PLEKHA5: variants seen among roughly 807,000 people sequenced by gnomAD.
PLEKHA5 encodes pleckstrin homology domain containing A5.
Under a neutral mutation model 181.9 loss-of-function variants are expected in PLEKHA5, and 55 were observed. That is an observed-to-expected ratio of 0.30 (90% CI 0.24 to 0.38). The LOEUF (loss-of-function observed/expected upper bound fraction) is 0.38. PLEKHA5 is among the 10% of genes least tolerant of loss of function. The pLI, the probability that PLEKHA5 is intolerant of heterozygous loss-of-function variation, is 1.00. For synonymous variants in PLEKHA5, 535 were observed against 529.4 expected, an observed-to-expected ratio of 1.01 and a Z score of -0.15; for missense variants, 1,432 against 1,549.5, an observed-to-expected ratio of 0.92 and a Z score of 1.27.
At position 19,130,208 on chromosome 12, in the gene PLEKHA5, T is replaced by A; in HGVS notation, c.169+78T>A. 1.3e-6 allele frequency: 1 copy of A among 786,682 alleles called. No homozygotes were observed. The highest frequency in any genetic ancestry group is 1.8e-6 in the Non-Finnish European group (1 of 570,028). The allele number at this position is 786,682 out of a possible 1,614,324, so 48.7% of individuals were successfully genotyped here. A position where few individuals can be genotyped will look rare whatever the true frequency, so the allele number is the denominator to read the frequency against. ...CCGGGCCGCCCGGCTCCCCGCAACC[T>A]GCCCCGCGCCGCGGGCCCCGGGAGG... is the stretch of plus-strand genomic sequence containing the variant. On this transcript the variant is annotated intron_variant, in intron 2 of 31. Transcript: ENST00000429027. The surrounding 1 kb of genome is among the most constrained non-coding windows in gnomAD (Gnocchi z 4.5).
intron 3 of PLEKHA5, among the ~76,000 whole-genome samples, chr12:19,250,364 C>T (rs888774660): frequency 6.6e-6 from 1 of 152,154 alleles, no homozygotes; most frequent in East Asian, 1.9e-4. Flanking sequence ...GCGGGTGGAT[C>T]GCGTGAGGAC....
chr12:19,153,570 A>G (rs562630309), intron 3 of PLEKHA5: 1 of 152,274 alleles, frequency 6.6e-6, no homozygotes, highest in Admixed American at 6.5e-5. Context: ...CACCACAGTG[A>G]TACAGTTGTT....
chr12:19,204,072 GA>G (rs776126582), intron 3 of PLEKHA5, among the ~76,000 whole-genome samples: 5 of 151,960 alleles, frequency 3.3e-5, no homozygotes, highest in Non-Finnish European at 5.9e-5. Context: ...GTTTCCATGG[GA>G]TGGCTATTTC....
chr12:19,339,486 TAA>T (rs1446483506), intron 21 of PLEKHA5, among the ~76,000 whole-genome samples: 1 of 152,180 alleles, frequency 6.6e-6, no homozygotes. Context: ...TTACAGGATA[TAA>T]GAGAAGACCT....
rs191294668 is a variant in PLEKHA5 at position 19,161,463 on chromosome 12, G to A, written c.227+29013G>A. On this transcript the variant is annotated intron_variant, in intron 3 of 31. Coordinates refer to ENST00000429027, the MANE Select transcript of PLEKHA5 (RefSeq NM_001256470.2). ...GGTGTTAAAAACTAACAGACTTACC[G>A]GTTAGCTGCTTATTAAAACGCACAA... Among the ~76,000 whole-genome samples, 15 of 152,080 alleles carry A rather than the reference G, an allele frequency of 9.9e-5. No individual in the cohort carries two copies. In the East Asian group the frequency reaches 2.5e-3, roughly 25 times the overall value.
chr12:19,132,789 T>C (rs1378563259), intron 3 of PLEKHA5, among the ~76,000 whole-genome samples: 1 of 150,366 alleles, frequency 6.7e-6, no homozygotes, highest in Non-Finnish European at 1.5e-5. Flanking sequence ...TTTTTTTTTT[T>C]TTTGGTGCTT....
chr12:19,340,838 C>T (rs1046592507), intron 21 of PLEKHA5, among the ~76,000 whole-genome samples: 6 of 150,620 alleles, frequency 4.0e-5, no homozygotes, highest in African/African-American at 1.5e-4. Flanking sequence ...GGTCCTCTGC[C>T]TAGGAAAACC....
intron 20 of PLEKHA5, among the ~76,000 whole-genome samples, chr12:19,332,545 A>G (rs2092950227): frequency 6.6e-6 from 1 of 152,030 alleles, no homozygotes; most frequent in African/African-American, 2.4e-5. Flanking sequence ...GTGGCTATTC[A>G]CAGGTGCAGT....
intron 11 of PLEKHA5, among the ~76,000 whole-genome samples, 165 bp from the exon 12 acceptor site, chr12:19,283,115 C>T (rs1002730076): frequency 2.5e-5 from 3 of 121,094 alleles, no homozygotes; most frequent in Admixed American, 1.2e-4. Flanking sequence ...CCATTGCACT[C>T]CAGCTTGGGC....
At chr12:19,177,028 C>T (rs2047457187) in intron 3 of PLEKHA5, among the ~76,000 whole-genome samples, 1 of 151,974 alleles carries the variant, frequency 6.6e-6, no homozygotes, top group Non-Finnish European at 1.5e-5. Context: ...CCACCACACC[C>T]AGCTAATTTT....
chr12:19,304,361 C>T (rs771741936), intron 15 of PLEKHA5, among the ~76,000 whole-genome samples: 6 of 152,150 alleles, frequency 3.9e-5, no homozygotes, highest in African/African-American at 9.7e-5. Flanking sequence ...GCTGAGATTG[C>T]GCCATTGCAC....
Position 19,359,490 on chromosome 12 carries a change from A to G in PLEKHA5, c.3427A>G (p.Thr1143Ala), listed in dbSNP as rs1424865842. Reference sequence around the variant, plus strand: ...AAAGCCAGACCATGAAACTCCTGCAACAGAAATTGTTCAACTAAAAGAAAC... The same window carrying G: ...AAAGCCAGACCATGAAACTCCTGCAGCAGAAATTGTTCAACTAAAAGAAAC... ...DVKPDHETPA[T>A]EIVQLKETEP... The change falls in exon 28 of 32, where the codon ACA becomes GCA. Residue 1143 changes from threonine to alanine, a missense_variant. By Grantham distance (58) the Thr-to-Ala change is moderately conservative. Transcript: ENST00000429027. 1 of 1,613,792 alleles carries G rather than the reference A, an allele frequency of 6.2e-7. No individual in the cohort carries two copies. Among genetic ancestry groups the G allele is most frequent in the Admixed American group, 1.7e-5 (1 of 59,982 alleles).
Position 19,274,775 on chromosome 12 carries a change from A to G in PLEKHA5, c.1105A>G (p.Thr369Ala). The part of the protein sequence containing the change: ...YESGSACPAQ[T>A]VHYRPINLSS... The stretch of plus-strand genomic sequence containing the variant: ...GAGTGGGTCAGCATGCCCTGCTCAG[A>G]CTGTGCACTACAGACCAATCAACTT... Residue 369 changes from threonine (T) to alanine (A), a missense_variant, in exon 11 of 32, where the codon ACT becomes GCT. Transcript: ENST00000429027. The G allele has an allele frequency of 6.2e-7, 1 of 1,614,228 alleles. No homozygotes were observed. The highest frequency in any genetic ancestry group is 8.5e-7 in the Non-Finnish European group (1 of 1,180,034).
chr12:19,339,883 T>C lies in PLEKHA5; in HGVS notation c.2550+3267T>C, dbSNP rs373527738. On this transcript the variant is annotated intron_variant, in intron 21 of 31. Coordinates refer to ENST00000429027, the MANE Select transcript of PLEKHA5 (RefSeq NM_001256470.2). ...AGCATGTAGAATAAAACCAGGCATA[T>C]AAAACACGCTATATAAGTGTTTGTT... Among the ~76,000 whole-genome samples the C allele has an allele frequency of 2.6e-5, 4 of 152,130 alleles. No homozygotes were observed. The East Asian group carries it at 7.7e-4, about 29-fold the overall frequency.
At chr12:19,279,320 A>G (rs543974406) in intron 11 of PLEKHA5, among the ~76,000 whole-genome samples, 14 of 152,248 alleles carry the variant, frequency 9.2e-5, no homozygotes. Flanking sequence ...AGAAAGTAGG[A>G]GACCTGCATT....
At chr12:19,201,704 C>A (rs2054245377) in intron 3 of PLEKHA5, 2 of 151,974 alleles carry the variant, frequency 1.3e-5, no homozygotes, top group African/African-American at 4.8e-5. Context: ...CCTAAAAGAG[C>A]CAGACACAGA....
chr12:19,279,360 T>G (rs2075437673), intron 11 of PLEKHA5, among the ~76,000 whole-genome samples: 1 of 152,158 alleles, frequency 6.6e-6, no homozygotes, highest in Admixed American at 6.6e-5. Context: ...AAGCTCTTTC[T>G]GTAACCCCAA....
chr12:19,258,472 A>G (rs966299187), intron 6 of PLEKHA5, among the ~76,000 whole-genome samples: 1 of 151,952 alleles, frequency 6.6e-6, no homozygotes, highest in Non-Finnish European at 1.5e-5. Context: ...TTTTATTGAA[A>G]GATCATTGAC....
chr12:19,230,175 G>C (rs2060281607), intron 3 of PLEKHA5, among the ~76,000 whole-genome samples: 2 of 152,270 alleles, frequency 1.3e-5, no homozygotes, highest in East Asian at 1.9e-4. Flanking sequence ...AAGATACAGA[G>C]TGCTGATTGG....
Sources: allele counts gnomAD v4.1 joint callset (sites outside exome capture counted in the v4.1 genomes callset), GRCh38; gene constraint gnomAD v4.1.1; non-coding constraint Gnocchi (gnomAD v3.1); transcripts MANE v1.5; gene names NCBI Gene and HGNC (gene_info 2026-07-23, HGNC 2026-07-21).